MTERF4: variants seen among roughly 807,000 people sequenced by gnomAD.
The protein encoded by MTERF4 is mitochondrial transcription termination factor 4, also known as transcription termination factor 4, mitochondrial.
MTERF4 carries 17 observed loss-of-function variants against 22.5 expected under a neutral mutation model. That is an observed-to-expected ratio of 0.75 (90% confidence interval 0.52 to 1.13). MTERF4 has a LOEUF of 1.13. Ranked by LOEUF, MTERF4 falls within the 50% of genes most tolerant of loss-of-function variation. MTERF4 has a pLI of 0.00. For synonymous variants in MTERF4, 165 were observed against 175.3 expected, an observed-to-expected ratio of 0.94 and a Z score of 0.47; for missense variants, 420 against 466.8, an observed-to-expected ratio of 0.90 and a Z score of 0.92.
At chr2:241,054,249 C>G in the MTERF4 span, among the ~76,000 whole-genome samples, 2 of 152,136 alleles carry the variant, frequency 1.3e-5, no homozygotes, top group African/African-American at 4.8e-5. Flanking sequence ...TATGAGCAAC[C>G]AGCCAGGATA....
the MTERF4 span, chr2:241,052,515 C>T: frequency 1.9e-5 from 27 of 1,422,988 alleles, 1 homozygote; most frequent in African/African-American, 4.3e-4. Flanking sequence ...ATACCAGTGC[C>T]AGGCAGGTGA....
At chr2:241,052,385 T>G in the MTERF4 span, 1 of 1,590,098 alleles carries the variant, frequency 6.3e-7, no homozygotes, top group Non-Finnish European at 8.6e-7. Context: ...AGCCCGTGTG[T>G]GAATGGGGGC....
At chr2:241,049,068 G>C in the MTERF4 span, 1 of 1,613,672 alleles carries the variant, frequency 6.2e-7, no homozygotes, top group Non-Finnish European at 8.5e-7. Context: ...GCCCAGATGG[G>C]GGCTACTGCA....
the MTERF4 span, among the ~76,000 whole-genome samples, chr2:241,061,860 AAAAAAAAG>A: frequency 3.9e-5 from 6 of 152,022 alleles, no homozygotes; most frequent in Admixed American, 3.3e-4. Context: ...CCCCCAAAAA[AAAAAAAAG>A]AAAAAAAGAA....
the MTERF4 span, chr2:241,052,438 G>A: frequency 6.2e-7 from 1 of 1,609,586 alleles, no homozygotes; most frequent in Non-Finnish European, 8.5e-7. Flanking sequence ...CCACTGCCAA[G>A]CAGGGTACAT....
At chr2:241,049,170 G>A in the MTERF4 span, 3 of 1,537,264 alleles carry the variant, frequency 2.0e-6, no homozygotes, top group African/African-American at 2.7e-5. Context: ...CTGGGCCGGG[G>A]GCCCGGACAG....
At chr2:241,094,554 A>G (rs1218116345), downstream of MTERF4, 1 of 364,636 alleles carries the variant, frequency 2.7e-6, no homozygotes, top group African/African-American at 2.2e-5. The surrounding 1 kb of genome is among the most constrained non-coding windows in gnomAD (Gnocchi z 4.3). Flanking sequence ...CCAGCTCCTT[A>G]TTTTTCTTTT....
downstream of MTERF4, chr2:241,088,707 T>G (rs1228365046): frequency 1.3e-5 from 5 of 398,022 alleles, no homozygotes; most frequent in African/African-American, 2.1e-5. Context: ...CTAGATCAGC[T>G]GCAGTGGGAG....
the MTERF4 span, chr2:241,048,827 A>G: frequency 1.4e-6 from 2 of 1,420,114 alleles, no homozygotes; most frequent in Non-Finnish European, 2.0e-6. Context: ...CGGGAAATGA[A>G]TGGTGGCTTC....
At chr2:241,061,856 A>C in the MTERF4 span, among the ~76,000 whole-genome samples, 9 of 146,920 alleles carry the variant, frequency 6.1e-5, 1 homozygote, top group Non-Finnish European at 7.6e-5. Flanking sequence ...CATCCCCCCA[A>C]AAAAAAAAAA....
the MTERF4 span, chr2:241,064,208 G>A: frequency 2.3e-5 from 21 of 920,848 alleles, no homozygotes; most frequent in Middle Eastern, 6.6e-4. The surrounding 1 kb of genome is among the most constrained non-coding windows in gnomAD (Gnocchi z 7.0). Flanking sequence ...CCCTCTGCCC[G>A]CCTGCTCCCC....
At chr2:241,072,530 A>G (rs1007114768) in exon 5 of MTERF4, 4 of 330,810 alleles carry the variant, frequency 1.2e-5, no homozygotes, top group Non-Finnish European at 2.3e-5. Context: ...ACTCCCCAAC[A>G]GAGCCTAGTC....
downstream of MTERF4, chr2:241,089,963 G>A (rs2063810555): frequency 6.5e-7 from 1 of 1,545,360 alleles, no homozygotes; most frequent in Non-Finnish European, 8.7e-7. Flanking sequence ...AGATATAAAA[G>A]ATAAAAAATG....
the MTERF4 span, among the ~76,000 whole-genome samples, chr2:241,056,282 T>C: frequency 0.12 from 17,511 of 152,174 alleles, 1,729 homozygotes; most frequent in East Asian, 0.34. Flanking sequence ...ATTGTTTTAT[T>C]TGTTATTTAT....
chr2:241,055,124 A>AAG, the MTERF4 span, among the ~76,000 whole-genome samples: 2 of 152,162 alleles, frequency 1.3e-5, no homozygotes, highest in Non-Finnish European at 2.9e-5. Flanking sequence ...CTCAAAAAAA[A>AAG]AAAAGAAAAA....
chr2:241,068,274 A>G (rs994947766), downstream of MTERF4, among the ~76,000 whole-genome samples: 1 of 152,036 alleles, frequency 6.6e-6, no homozygotes, highest in Non-Finnish European at 1.5e-5. The surrounding 1 kb of genome is among the most constrained non-coding windows in gnomAD (Gnocchi z 5.3). Flanking sequence ...AGCAGCGGCC[A>G]GCGAGGGTAG....
At chr2:241,047,171 T>G in the MTERF4 span, among the ~76,000 whole-genome samples, 146 of 56,278 alleles carry the variant, frequency 2.6e-3, no homozygotes, top group Non-Finnish European at 3.8e-3. Context: ...AAAAAAAAAG[T>G]AAATTAGGTA....
At chr2:241,088,479 C>A, downstream of MTERF4, 3 of 1,174,914 alleles carry the variant, frequency 2.6e-6, no homozygotes, top group Non-Finnish European at 2.6e-6. Context: ...CCCGGGATCT[C>A]AGAGTGCCGC....
At chr2:241,044,438 T>C in the MTERF4 span, among the ~76,000 whole-genome samples, 1 of 152,204 alleles carries the variant, frequency 6.6e-6, no homozygotes, top group Non-Finnish European at 1.5e-5. Context: ...CTGGACAGAA[T>C]GCATGGAGTA....
Sources: allele counts gnomAD v4.1 joint callset (sites outside exome capture counted in the v4.1 genomes callset), GRCh38; gene constraint gnomAD v4.1.1; non-coding constraint Gnocchi (gnomAD v3.1); transcripts MANE v1.5; gene names NCBI Gene and HGNC (gene_info 2026-07-23, HGNC 2026-07-21).